The following DNASE1L3 variants were observed in gnomAD, a reference collection of about 807,000 sequenced individuals.
DNASE1L3 encodes deoxyribonuclease 1L3.
Under a neutral mutation model 30.9 loss-of-function variants are expected in DNASE1L3, and 27 were observed. That is an observed-to-expected ratio of 0.87 (90% CI 0.64 to 1.20). The LOEUF (loss-of-function observed/expected upper bound fraction) is 1.20, where lower values mean the gene tolerates loss of function less well. Among genes scored for constraint, DNASE1L3 ranks in the 50% most tolerant of loss-of-function variants. The pLI is 0.00. For synonymous variants in DNASE1L3, 135 were observed against 138.0 expected (o/e 0.98, Z 0.15); for missense variants, 364 against 378.2 (o/e 0.96, Z 0.31).
chr3:58,210,519 T>C (rs1015269462), intron 1 of DNASE1L3, among the ~76,000 whole-genome samples: 6 of 152,248 alleles, frequency 3.9e-5, no homozygotes, highest in East Asian at 1.9e-4. Flanking sequence ...AGCCAGATAC[T>C]ACATTAAGAG....
At chr3:58,201,156 G>T (rs781226519) in intron 4 of DNASE1L3, 47 bp from the exon 5 acceptor site, 3 of 1,517,430 alleles carry the variant, frequency 2.0e-6, no homozygotes, top group East Asian at 2.3e-5. Context: ...CCCTGTCAAG[G>T]TCTCATAAAC....
chr3:58,203,854 C>T (rs1183436425), intron 4 of DNASE1L3, among the ~76,000 whole-genome samples: 2 of 152,094 alleles, frequency 1.3e-5, no homozygotes, highest in Non-Finnish European at 2.9e-5. Flanking sequence ...GCCTGGGTTA[C>T]AACCCTGGCC....
chr3:58,195,011 A>G (rs2097396405), intron 6 of DNASE1L3, among the ~76,000 whole-genome samples: 1 of 152,220 alleles, frequency 6.6e-6, no homozygotes, highest in African/African-American at 2.4e-5. Context: ...AAGACTCAGA[A>G]AGCAAAGAAT....
rs572459902 is a variant in DNASE1L3 at position 58,197,979 on chromosome 3, C to T, written c.547-1G>A. On this transcript the variant is annotated splice_acceptor_variant, in intron 5 of 7. Transcript: ENST00000394549. LOFTEE classifies it high-confidence loss of function. This position sits in a 1 kb window ranked among gnomAD's most constrained non-coding sequence, Gnocchi z 5.3. ...TGAAGTCACCCATGAAAATGAAATT[C>T]TAAAAGACAAGATTTGGAACTGTCA... 2.5e-6 allele frequency: 4 copies of T among 1,606,354 alleles called. No individual in the cohort carries two copies. In the African/African-American group the frequency reaches 5.3e-5, roughly 21 times the overall value.
At position 58,192,639 on chromosome 3, in the gene DNASE1L3, C is replaced by T. The variant is rs2097394900; in HGVS notation, c.*48G>A. 6.4e-7 allele frequency: 1 copy of T among 1,565,106 alleles called. No homozygotes were observed. The highest frequency in any genetic ancestry group is 1.4e-5 in the African/African-American group (1 of 72,896). ...GGGAGCAGTTCATATCTGTTAGAGACATTTTATTTAGAGGCAAGAAATGGT... is the reference window on the plus strand; with the variant it reads ...GGGAGCAGTTCATATCTGTTAGAGATATTTTATTTAGAGGCAAGAAATGGT... On this transcript the variant is annotated 3_prime_UTR_variant, in exon 8 of 8. Coordinates refer to ENST00000394549, the MANE Select transcript of DNASE1L3 (RefSeq NM_004944.4). The surrounding 1 kb of genome is among the most constrained non-coding windows in gnomAD (Gnocchi z 4.8).
chr3:58,199,024 C>CA (rs1053811490), intron 5 of DNASE1L3, among the ~76,000 whole-genome samples: 2 of 152,116 alleles, frequency 1.3e-5, no homozygotes, highest in African/African-American at 4.8e-5. Flanking sequence ...GAGGAAGTGC[C>CA]AGATTTCCTT....
intron 1 of DNASE1L3, among the ~76,000 whole-genome samples, chr3:58,210,231 AAAGG>A (rs1294300296): frequency 1.2e-4 from 15 of 123,612 alleles, no homozygotes; most frequent in African/African-American, 3.9e-4. Flanking sequence ...GAAGAAAGAA[AAAGG>A]AAGAAAGAAA....
intron 1 of DNASE1L3, 137 bp downstream of exon 1, chr3:58,210,629 A>T (rs976366692): frequency 9.9e-6 from 13 of 1,310,894 alleles, no homozygotes; most frequent in African/African-American, 1.5e-5. Context: ...CAGAGAGTTG[A>T]AGTGGTTATT....
intron 2 of DNASE1L3, among the ~76,000 whole-genome samples, chr3:58,206,305 A>G (rs539698087): frequency 6.6e-6 from 1 of 152,296 alleles, no homozygotes; most frequent in East Asian, 1.9e-4. Flanking sequence ...AAGCTGCAGC[A>G]TATTCTCAGA....
chr3:58,202,980 C>G (rs1380104336), intron 4 of DNASE1L3, among the ~76,000 whole-genome samples: 1 of 152,182 alleles, frequency 6.6e-6, no homozygotes. Flanking sequence ...AAACCTTCCC[C>G]CACCGTTGGA....
chr3:58,206,216 C>T (rs2097403812), intron 2 of DNASE1L3, among the ~76,000 whole-genome samples: 2 of 152,196 alleles, frequency 1.3e-5, no homozygotes, highest in Non-Finnish European at 2.9e-5. Context: ...GTTTACCAAA[C>T]CTGCTGATAA....
At position 58,200,928 on chromosome 3, in the gene DNASE1L3, A is replaced by G. The variant is rs1342867105; in HGVS notation, c.546+69T>C. On this transcript the variant is annotated intron_variant, in intron 5 of 7. Coordinates refer to ENST00000394549, the MANE Select transcript of DNASE1L3 (RefSeq NM_004944.4). This position sits in a 1 kb window ranked among gnomAD's most constrained non-coding sequence, Gnocchi z 4.2. ...TCCTCCTCCCCCTCCCTGGAGAGGT[A>G]CTCATCCCACTCAGGGACCAGAGCC... 4.6e-6 allele frequency: 6 copies of G among 1,292,632 alleles called. No homozygotes were observed. The highest frequency in any genetic ancestry group is 6.6e-6 in the Non-Finnish European group (6 of 906,496). 80.1% of individuals were successfully genotyped at this position (1,292,632 alleles called of 1,614,324 possible).
rs2097398162 is a variant in DNASE1L3, at chr3:58,197,607, C to A, written c.704+214G>T. Among the ~76,000 whole-genome samples the A allele has an allele frequency of 6.6e-6, 1 of 152,114 alleles. No homozygotes were observed. Among genetic ancestry groups the A allele is most frequent in the Admixed American group, 6.5e-5 (1 of 15,272 alleles). On this transcript the variant is annotated intron_variant, in intron 6 of 7. Coordinates refer to ENST00000394549, the MANE Select transcript of DNASE1L3 (RefSeq NM_004944.4). This position sits in a 1 kb window ranked among gnomAD's most constrained non-coding sequence, Gnocchi z 5.3. Reference sequence around the variant, plus strand: ...AGCTGGGAGTATAGGTGTGTGCCACCATGCCTGGCTAATTTTTGTATTTTT... The same window carrying A: ...AGCTGGGAGTATAGGTGTGTGCCACAATGCCTGGCTAATTTTTGTATTTTT...
In DNASE1L3 at chr3:58,208,284, A is replaced by T. The variant is rs2097405361; in HGVS notation, c.164T>A (p.Ile55Lys). The change falls in exon 2 of 8, where the codon ATA becomes AAA. Residue 55 changes from isoleucine to lysine, a missense_variant. Physicochemically the swap from Ile to Lys is moderately radical, Grantham distance 102. Coordinates refer to ENST00000394549, the MANE Select transcript of DNASE1L3 (RefSeq NM_004944.4). ...GCTGTCCTTGATTTCCATCACGAGTATGATGTCACAGCGTTTGATGACCTG... is the reference window on the plus strand; with the variant it reads ...GCTGTCCTTGATTTCCATCACGAGTTTGATGTCACAGCGTTTGATGACCTG... ...IVKVIKRCDI[I>K]LVMEIKDSNN... 1.9e-6 allele frequency: 3 copies of T among 1,614,234 alleles called. No homozygotes were observed. The African/African-American group carries it at 4.0e-5, about 22-fold the overall frequency.
At chr3:58,203,588 AG>A (rs1197333752) in intron 4 of DNASE1L3, among the ~76,000 whole-genome samples, 2 of 152,218 alleles carry the variant, frequency 1.3e-5, no homozygotes, top group East Asian at 3.9e-4. Flanking sequence ...GCTTGAGCTC[AG>A]GGGTTCAAGA....
At chr3:58,202,105 G>C (rs1336579411) in intron 4 of DNASE1L3, among the ~76,000 whole-genome samples, 5 of 149,076 alleles carry the variant, frequency 3.4e-5, no homozygotes, top group Non-Finnish European at 4.5e-5. Context: ...AGGAAAAATT[G>C]CATATATTTA....
chr3:58,193,834 T>C (rs2097395629), intron 6 of DNASE1L3, among the ~76,000 whole-genome samples: 1 of 152,234 alleles, frequency 6.6e-6, no homozygotes, highest in Non-Finnish European at 1.5e-5. Context: ...GGTTTGTCTT[T>C]AATACCTCCC....
Position 58,210,916 on chromosome 3 carries a change from G to A in DNASE1L3, c.-10C>T. ...CCAGCTCCCGTGACATCCTGGCGCT[G>A]CTCTGGCTTCAAGACTCTGTGAGAA... On this transcript the variant is annotated 5_prime_UTR_variant, in exon 1 of 8. Transcript: ENST00000394549. 2 of 1,613,240 alleles carry A rather than the reference G, an allele frequency of 1.2e-6. No individual in the cohort carries two copies. Among genetic ancestry groups the A allele is most frequent in the Non-Finnish European group, 1.7e-6 (2 of 1,179,902 alleles).
Position 58,194,020 on chromosome 3 carries a change from A to G in DNASE1L3, c.705-581T>C, listed in dbSNP as rs541586382. On this transcript the variant is annotated intron_variant, in intron 6 of 7. Transcript: ENST00000394549. ...TGCTAGTATCATGAAATTTCTTTTA[A>G]AAATTTATTTCAGCAAGAAATTAAG... is the stretch of plus-strand genomic sequence containing the variant. Among the ~76,000 whole-genome samples, 247 of 152,370 alleles carry G rather than the reference A, an allele frequency of 1.6e-3. 1 individual carries two copies. The highest frequency in any genetic ancestry group is 7.2e-3 in the Admixed American group (110 of 15,306).
Sources: allele counts gnomAD v4.1 joint callset (sites outside exome capture counted in the v4.1 genomes callset), GRCh38; gene constraint gnomAD v4.1.1; non-coding constraint Gnocchi (gnomAD v3.1); transcripts MANE v1.5; gene names NCBI Gene and HGNC (gene_info 2026-07-23, HGNC 2026-07-21).